STARD9: variants seen among roughly 807,000 people sequenced by gnomAD.
STARD9 encodes StAR related lipid transfer domain containing 9.
A neutral mutation model predicts 399.8 loss-of-function variants in STARD9; 346 were observed. The ratio of observed to expected loss-of-function variants is 0.87; its 90% CI spans 0.79 to 0.95. STARD9 has a LOEUF of 0.95. STARD9 is among the 40% of genes least tolerant of loss of function. The pLI is 0.00. For synonymous variants in STARD9, 2,203 were observed against 2,143.5 expected (o/e 1.03, Z -0.77); for missense variants, 5,832 against 5,667.5 (o/e 1.03, Z -0.93).
intron 26 of STARD9, among the ~76,000 whole-genome samples, chr15:42,712,081 T>TATATATAATATATAATATATAA: frequency 2.6e-5 from 1 of 39,130 alleles, no homozygotes; most frequent in African/African-American, 3.2e-4. Flanking sequence ...TATATATATA[T>TATATATAATATATAATATATAA]TATATATATA....
At chr15:42,695,086 G>C in intron 24 of STARD9, 54 bp from the exon 25 acceptor site, 1 of 1,416,322 alleles carries the variant, frequency 7.1e-7, no homozygotes, top group South Asian at 1.4e-5. Context: ...TGGATGGACA[G>C]ACCAGGACTG....
chr15:42,643,564 C>T (rs1422229916), intron 7 of STARD9, among the ~76,000 whole-genome samples: 1 of 152,100 alleles, frequency 6.6e-6, no homozygotes, highest in Non-Finnish European at 1.5e-5. Flanking sequence ...GATCTTGGGT[C>T]ACTGCAACCT....
chr15:42,686,150 T>TATAG lies in STARD9; in HGVS notation c.4573_4574insTAGA (p.Ser1525IlefsTer14). ...ACTCTGGTTCCCTGGCCCAAGCTTC[T>TATAG]AGCAAAGGAGGAGATACTCTATTGC... On this transcript the variant is annotated frameshift_variant, in exon 23 of 33. Transcript: ENST00000290607. LOFTEE classifies it high-confidence loss of function. 1 of 1,537,336 alleles carries TATAG rather than the reference T, an allele frequency of 6.5e-7. No individual in the cohort carries two copies. The highest frequency in any genetic ancestry group is 8.7e-7 in the Non-Finnish European group (1 of 1,146,936).
rs1295997466 is a variant in STARD9 at position 42,684,263 on chromosome 15, G to A, written c.2685G>A (p.Leu895=). 6.5e-7 allele frequency: 1 copy of A among 1,537,232 alleles called. No individual in the cohort carries two copies. The stretch of plus-strand genomic sequence containing the variant: ...CAGGGTGCCTCCGCAAGAACGGCCT[G>A]CATTCCTCAGGTCATGGGCAGCCCT... ...ARTGCLRKNG[L]HSSGHGQPCT... is the part of the protein sequence containing the mutation. The change falls in exon 23 of 33, where the codon CTG becomes CTA. Residue 895 remains leucine, a synonymous_variant. Transcript: ENST00000290607.
At chr15:42,675,275 T>C (rs1010274918) in intron 18 of STARD9, among the ~76,000 whole-genome samples, 5 of 152,234 alleles carry the variant, frequency 3.3e-5, no homozygotes, top group Non-Finnish European at 5.9e-5. Context: ...GAGGATTGAA[T>C]GAACCTTATA....
At position 42,684,461 on chromosome 15, in the gene STARD9, A is replaced by G. The variant is rs1407480523; in HGVS notation, c.2883A>G (p.Pro961=). ...SLRKSANKLK[P]RHEPKIFTST... ...GGAAATCAGCTAACAAACTAAAGCCAAGGCATGAGCCAAAGATCTTCACCT... is the reference window on the plus strand; with the variant it reads ...GGAAATCAGCTAACAAACTAAAGCCGAGGCATGAGCCAAAGATCTTCACCT... The change falls in exon 23 of 33, where the codon CCA becomes CCG. Residue 961 remains proline (P), a synonymous_variant. Transcript: ENST00000290607. The G allele has an allele frequency of 6.5e-7, 1 of 1,537,114 alleles. No individual in the cohort carries two copies. The highest frequency in any genetic ancestry group is 2.4e-5 in the East Asian group (1 of 40,914).
At chr15:42,628,316 A>T (rs1055474062) in intron 3 of STARD9, among the ~76,000 whole-genome samples, 1 of 152,158 alleles carries the variant, frequency 6.6e-6, no homozygotes, top group African/African-American at 2.4e-5. Flanking sequence ...TTCCTTATGT[A>T]TTCTGGTTAT....
At chr15:42,704,142 C>T (rs2061026297) in intron 26 of STARD9, among the ~76,000 whole-genome samples, 1 of 152,072 alleles carries the variant, frequency 6.6e-6, no homozygotes, top group African/African-American at 2.4e-5. Flanking sequence ...AACTCCTGAC[C>T]TCAGGTGATC....
At chr15:42,647,273 A>G (rs1246471964) in intron 7 of STARD9, among the ~76,000 whole-genome samples, 1 of 152,188 alleles carries the variant, frequency 6.6e-6, no homozygotes, top group African/African-American at 2.4e-5. Flanking sequence ...ACTTGTTCAA[A>G]TCTTCTGTAC....
intron 3 of STARD9, among the ~76,000 whole-genome samples, chr15:42,633,152 A>G (rs1161864311): frequency 6.6e-6 from 1 of 152,174 alleles, no homozygotes; most frequent in Non-Finnish European, 1.5e-5. Context: ...AATTAAAAAA[A>G]AAAAAAAGAA....
chr15:42,597,984 GTGTTTGTATATATATA>G (rs1289293353), intron 3 of STARD9, among the ~76,000 whole-genome samples: 3 of 131,714 alleles, frequency 2.3e-5, no homozygotes, highest in African/African-American at 8.6e-5. Context: ...GTGTGTGTGT[GTGTTTGTATATATATA>G]TGTGTGTGTG....
intron 3 of STARD9, among the ~76,000 whole-genome samples, chr15:42,634,455 C>G (rs1178429467): frequency 6.6e-6 from 1 of 152,138 alleles, no homozygotes; most frequent in African/African-American, 2.4e-5. Context: ...TCCTAAGACC[C>G]TGAATTTGTA....
intron 2 of STARD9, among the ~76,000 whole-genome samples, chr15:42,583,825 G>A (rs770296289): frequency 2.2e-4 from 33 of 152,184 alleles, no homozygotes; most frequent in Admixed American, 1.9e-3. Flanking sequence ...ATTAGGCATT[G>A]TAGTATGCAC....
chr15:42,639,065 A>G (rs187407014), intron 7 of STARD9, among the ~76,000 whole-genome samples: 50 of 152,360 alleles, frequency 3.3e-4, no homozygotes, highest in Middle Eastern at 3.4e-3. Context: ...ATGGATGTCA[A>G]TGGCAAAGAA....
At chr15:42,582,148 C>T (rs1313657797) in intron 1 of STARD9, among the ~76,000 whole-genome samples, 1 of 152,070 alleles carries the variant, frequency 6.6e-6, no homozygotes, top group Non-Finnish European at 1.5e-5. Context: ...CTAAATAAAT[C>T]AATAAACAAA....
intron 7 of STARD9, among the ~76,000 whole-genome samples, chr15:42,648,790 T>C (rs570315348): frequency 1.3e-5 from 2 of 152,276 alleles, no homozygotes; most frequent in East Asian, 1.9e-4. Flanking sequence ...TTACCTCTTA[T>C]AATAATCCTT....
chr15:42,687,074 A>G lies in STARD9; in HGVS notation c.5496A>G (p.Ser1832=). 6.5e-7 allele frequency: 1 copy of G among 1,537,214 alleles called. No individual in the cohort carries two copies. ...ATACCAGGGAAGTCATCAGAGAATC[A>G]GGTAAATGCCCTGGAAATATTACAG... ...DLNTREVIRE[S]GKCPGNITEE... The change falls in exon 23 of 33, where the codon TCA becomes TCG. Residue 1832 remains serine, a synonymous_variant. Transcript: ENST00000290607.
chr15:42,670,773 G>A (rs996999751), intron 16 of STARD9: 1 of 152,166 alleles, frequency 6.6e-6, no homozygotes, highest in African/African-American at 2.4e-5. Context: ...ATTTAAAGTA[G>A]CTTATTTTCT....
chr15:42,666,744 C>A (rs1203495905), intron 15 of STARD9, among the ~76,000 whole-genome samples: 2 of 152,122 alleles, frequency 1.3e-5, no homozygotes, highest in African/African-American at 2.4e-5. Flanking sequence ...ACTGCTGTAA[C>A]CCCGTGAGGG....
Sources: gnomAD v4.1 joint callset for allele counts (sites outside exome capture counted in the v4.1 genomes callset) on GRCh38, gnomAD v4.1.1 for gene constraint, MANE v1.5 for transcripts, NCBI Gene and HGNC (gene_info 2026-07-23, HGNC 2026-07-21) for gene names.